The following DMD variants were observed in gnomAD, a reference collection of about 807,000 sequenced individuals.
DMD encodes the protein dystrophin.
DMD carries 63 observed loss-of-function variants against 330.1 expected under a neutral mutation model. The observed-to-expected ratio is 0.19, with a 90% confidence interval of 0.16 to 0.24. The LOEUF (loss-of-function observed/expected upper bound fraction) is 0.24. Among genes scored for constraint, DMD ranks in the 10% least tolerant of loss-of-function variants. The probability of loss-of-function intolerance (pLI) is 1.00; values close to 1 mark genes in which losing one functional copy is unlikely to be tolerated. For missense variants in DMD, 3,344 were observed against 2,684.1 expected, an observed-to-expected ratio of 1.25 and a Z score of -5.43; for synonymous variants, 1,223 against 959.8, an observed-to-expected ratio of 1.27 and a Z score of -5.07.
intron 7 of DMD, among the ~76,000 whole-genome samples, chrX:32,729,775 T>C (rs914525557): frequency 8.9e-6 from 1 of 112,103 alleles, no homozygotes; most frequent in Admixed American, 9.6e-5. Flanking sequence ...TAAATATGTG[T>C]GTTATTCTTT....
At chrX:32,140,414 T>C (rs1380065110) in intron 44 of DMD, among the ~76,000 whole-genome samples, 5 of 112,314 alleles carry the variant, frequency 4.5e-5, no homozygotes, top group Non-Finnish European at 9.4e-5. Context: ...TCGTCAACAC[T>C]GGGATAAAAT....
At chrX:32,306,807 T>C (rs1192256267) in intron 42 of DMD, among the ~76,000 whole-genome samples, 1 of 111,339 alleles carries the variant, frequency 9.0e-6, no homozygotes, top group Non-Finnish European at 1.9e-5. Flanking sequence ...ATCCTTGTCT[T>C]GTTCATGTTC....
At chrX:32,979,145 C>A (rs184988578) in intron 2 of DMD, among the ~76,000 whole-genome samples, 2 of 112,200 alleles carry the variant, frequency 1.8e-5, no homozygotes, top group Admixed American at 1.9e-4. Context: ...TTTTTAATCT[C>A]CATTATAAAT....
chrX:32,667,291 G>A (rs1023508515), intron 9 of DMD, among the ~76,000 whole-genome samples: 3 of 111,607 alleles, frequency 2.7e-5, no homozygotes, highest in Non-Finnish European at 5.6e-5. Context: ...GTAAACAGAA[G>A]AGACAACTGT....
chrX:32,608,208 A>T (rs2056888846), intron 12 of DMD, among the ~76,000 whole-genome samples: 1 of 110,188 alleles, frequency 9.1e-6, no homozygotes, highest in Admixed American at 9.7e-5. Context: ...TATTATTATT[A>T]TTTTAATAAT....
At chrX:33,157,937 A>C (rs779380509) in intron 1 of DMD, among the ~76,000 whole-genome samples, 4 of 111,993 alleles carry the variant, frequency 3.6e-5, no homozygotes, top group Non-Finnish European at 5.6e-5. Flanking sequence ...AGCCTGGGAG[A>C]CAAGAGTGAA....
intron 44 of DMD, among the ~76,000 whole-genome samples, chrX:32,046,833 C>A (rs2096067763): frequency 1.8e-5 from 2 of 111,880 alleles, no homozygotes; most frequent in African/African-American, 6.5e-5. Context: ...TGCCACATGA[C>A]CTGTGGGAAA....
Position 32,514,235 on chromosome X carries a change from GAA to G in DMD, c.2292+3771_2292+3772del, listed in dbSNP as rs35838995. On this transcript the variant is annotated intron_variant, in intron 18 of 78. Transcript: ENST00000357033. Reference sequence around the variant, plus strand: ...ATAGCCTCTTCCACTAAGGCAGGTGGAAAAAAAAAAAAAAAAAAGATACTATG... The same window carrying G: ...ATAGCCTCTTCCACTAAGGCAGGTGGAAAAAAAAAAAAAAAAGATACTATG... 9.8e-4 allele frequency among the ~76,000 whole-genome samples: 76 copies of G among 77,241 alleles called. No individual in the cohort carries two copies. In the South Asian group the frequency reaches 0.011, roughly 11 times the overall value. 67.1% of individuals were successfully genotyped at this position (77,241 alleles called of 115,157 possible).
intron 20 of DMD, among the ~76,000 whole-genome samples, chrX:32,490,212 A>C (rs1419386213): frequency 8.9e-6 from 1 of 111,852 alleles, no homozygotes; most frequent in Admixed American, 9.5e-5. Flanking sequence ...CTTTTGTATT[A>C]AATGTAATCA....
At chrX:32,111,610 T>G (rs778523891) in intron 44 of DMD, among the ~76,000 whole-genome samples, 1 of 111,796 alleles carries the variant, frequency 8.9e-6, no homozygotes, top group East Asian at 2.8e-4. Flanking sequence ...CTCCTTAGGA[T>G]AAGCCTAGAT....
intron 2 of DMD, among the ~76,000 whole-genome samples, chrX:33,000,493 A>G (rs1033937634): frequency 1.8e-5 from 2 of 111,974 alleles, no homozygotes; most frequent in African/African-American, 3.2e-5. Flanking sequence ...GTTCTGACCC[A>G]TGGGATGTTG....
intron 7 of DMD, among the ~76,000 whole-genome samples, chrX:32,706,689 C>T (rs1363842284): frequency 2.7e-5 from 3 of 112,258 alleles, no homozygotes; most frequent in Non-Finnish European, 5.6e-5. Flanking sequence ...ACACTGAAAA[C>T]TATTTGAGCG....
At chrX:32,527,853 C>T (rs1033681872) in intron 17 of DMD, among the ~76,000 whole-genome samples, 1 of 111,191 alleles carries the variant, frequency 9.0e-6, no homozygotes, top group African/African-American at 3.3e-5. Context: ...TACACACACA[C>T]AACACATACA....
intron 55 of DMD, among the ~76,000 whole-genome samples, chrX:31,553,556 A>G (rs1329185657): frequency 8.9e-6 from 1 of 112,530 alleles, no homozygotes; most frequent in Non-Finnish European, 1.9e-5. Flanking sequence ...AGACTTTTAC[A>G]GGCCATTTTA....
intron 64 of DMD, 101 bp downstream of exon 64, chrX:31,222,946 A>C: frequency 1.5e-6 from 1 of 683,443 alleles, no homozygotes; most frequent in Non-Finnish European, 2.4e-6. Flanking sequence ...AGGAATTGTG[A>C]CAGCTGTTTC....
At chrX:32,713,222 C>T (rs1298704206) in intron 7 of DMD, among the ~76,000 whole-genome samples, 1 of 111,534 alleles carries the variant, frequency 9.0e-6, no homozygotes, top group Non-Finnish European at 1.9e-5. Context: ...AACTGAATCC[C>T]TCTTACCATT....
intron 74 of DMD, among the ~76,000 whole-genome samples, chrX:31,168,330 G>C (rs16989414): frequency 0.015 from 1,647 of 111,540 alleles, 41 homozygotes; most frequent in African/African-American, 0.051. Flanking sequence ...CCAGTGAAAG[G>C]GGAATGCCAT....
At chrX:32,362,345 A>G (rs756553817) in intron 37 of DMD, among the ~76,000 whole-genome samples, 46 of 111,998 alleles carry the variant, frequency 4.1e-4, no homozygotes, top group African/African-American at 1.5e-3. Context: ...TGGATATTTG[A>G]TCCACATTAC....
At chrX:32,339,272 G>A (rs2097729977) in intron 41 of DMD, among the ~76,000 whole-genome samples, 1 of 111,865 alleles carries the variant, frequency 8.9e-6, no homozygotes, top group Non-Finnish European at 1.9e-5. Context: ...CCACACTGCT[G>A]TGATAGTACA....
Sources: gnomAD v4.1 joint callset for allele counts (sites outside exome capture counted in the v4.1 genomes callset) on GRCh38, gnomAD v4.1.1 for gene constraint, MANE v1.5 for transcripts, NCBI Gene and HGNC (gene_info 2026-07-23, HGNC 2026-07-21) for gene names.